Variants in ARHGEF12 observed in about 807,000 individuals in gnomAD.
ARHGEF12 encodes KMT2A/ARHGEF12 fusion protein.
A neutral mutation model predicts 211.2 loss-of-function variants in ARHGEF12; 66 were observed. The observed-to-expected ratio is 0.31, with a 90% CI of 0.26 to 0.38. The LOEUF (loss-of-function observed/expected upper bound fraction) is 0.38. Among genes scored for constraint, ARHGEF12 ranks in the 10% least tolerant of loss-of-function variants. ARHGEF12 has a pLI of 1.00. For missense variants in ARHGEF12, 1,429 were observed against 1,869.5 expected, an observed-to-expected ratio of 0.76 and a Z score of 4.34; for synonymous variants, 592 against 638.4, an observed-to-expected ratio of 0.93 and a Z score of 1.09.
Position 120,487,365 on chromosome 11 carries a change from C to G in ARHGEF12, c.*2288C>G, listed in dbSNP as rs1163271798. The G allele has an allele frequency of 9.1e-6, 2 of 219,146 alleles. No homozygotes were observed. The highest frequency in any genetic ancestry group is 1.8e-5 in the Non-Finnish European group (2 of 109,374). 13.6% of individuals were successfully genotyped at this position (219,146 alleles called of 1,614,324 possible). A position where few individuals can be genotyped will look rare whatever the true frequency, so the allele number is the denominator to read the frequency against. ...CCAAATAAATTCATATCTAGATTTT[C>G]AAACAAAGCCCCAAGATGAAGTCTA... is the stretch of plus-strand genomic sequence containing the variant. On this transcript the variant is annotated 3_prime_UTR_variant, in exon 41 of 41. Coordinates refer to ENST00000397843, the MANE Select transcript of ARHGEF12 (RefSeq NM_015313.3).
At chr11:120,376,993 T>TA (rs1473457745) in intron 1 of ARHGEF12, among the ~76,000 whole-genome samples, 1 of 152,218 alleles carries the variant, frequency 6.6e-6, no homozygotes, top group African/African-American at 2.4e-5. Context: ...TATAGCTGAA[T>TA]AATACTCCAT....
chr11:120,418,331 A>G (rs1205677105), intron 4 of ARHGEF12, among the ~76,000 whole-genome samples: 1 of 152,084 alleles, frequency 6.6e-6, no homozygotes, highest in Non-Finnish European at 1.5e-5. Context: ...ACTTTCTTAC[A>G]TACTGGTTTC....
chr11:120,467,182 CTTTAAT>C lies in ARHGEF12; in HGVS notation c.2740-7_2740-2del, dbSNP rs1383955170. The C allele has an allele frequency of 6.5e-7, 1 of 1,549,216 alleles. No individual in the cohort carries two copies. Among genetic ancestry groups the C allele is most frequent in the South Asian group, 1.1e-5 (1 of 88,714 alleles). On this transcript the variant is annotated splice_region_variant and splice_polypyrimidine_tract_variant and intron_variant, in intron 28 of 40. Transcript: ENST00000397843. ...AAGAATTACAGATTCACTTATTTCA[CTTTAAT>C]TTTAGGATGCTGAAAGTAATCCACT...
At chr11:120,477,653 C>G in intron 36 of ARHGEF12, 127 bp downstream of exon 36, 2 of 815,884 alleles carry the variant, frequency 2.5e-6, no homozygotes, top group Non-Finnish European at 3.8e-6. Flanking sequence ...TCACCTGAGG[C>G]CAGGAGTTAG....
At chr11:120,418,734 G>A (rs908076558) in intron 4 of ARHGEF12, among the ~76,000 whole-genome samples, 1 of 152,154 alleles carries the variant, frequency 6.6e-6, no homozygotes, top group Non-Finnish European at 1.5e-5. Context: ...GTGTATAGTG[G>A]TATCTCATTG....
intron 1 of ARHGEF12, among the ~76,000 whole-genome samples, chr11:120,351,553 C>T (rs1942973414): frequency 6.9e-6 from 1 of 145,624 alleles, no homozygotes; most frequent in South Asian, 2.3e-4. Flanking sequence ...TCACTTGAAC[C>T]TCCACCTCCC....
intron 12 of ARHGEF12, among the ~76,000 whole-genome samples, chr11:120,438,293 C>CTT (rs35273516): frequency 6.6e-6 from 1 of 151,672 alleles, no homozygotes; most frequent in Non-Finnish European, 1.5e-5. Flanking sequence ...CACCTAATTT[C>CTT]TTTTTTTTAA....
rs2135729903 is a variant in ARHGEF12 at position 120,431,759 on chromosome 11, C to A, written c.784-12C>A. 1 of 1,558,548 alleles carries A rather than the reference C, an allele frequency of 6.4e-7. No individual in the cohort carries two copies. Among genetic ancestry groups the A allele is most frequent in the Non-Finnish European group, 8.7e-7 (1 of 1,153,884 alleles). ...TGTTTGTGTGCGCGTGTTTTTCTTT[C>A]ATCTGTTTTAGGATGGAGCTGTAGT... On this transcript the variant is annotated splice_polypyrimidine_tract_variant and intron_variant, in intron 10 of 40. Transcript: ENST00000397843.
At chr11:120,339,015 T>C (rs979627253) in intron 1 of ARHGEF12, among the ~76,000 whole-genome samples, 14 of 149,910 alleles carry the variant, frequency 9.3e-5, no homozygotes, top group Admixed American at 2.6e-4. Flanking sequence ...CTTTTTTTTT[T>C]TTTTTTTTGG....
At chr11:120,409,326 T>G in intron 3 of ARHGEF12, 68 bp from the exon 4 acceptor site, 1 of 1,505,588 alleles carries the variant, frequency 6.6e-7, no homozygotes, top group Non-Finnish European at 9.2e-7. Flanking sequence ...TTTTTCCCCA[T>G]GAATTTTTCC....
chr11:120,336,607 G>A lies in ARHGEF12; in HGVS notation c.-637G>A, dbSNP rs1026611482. Among the ~76,000 whole-genome samples, 1 of 152,126 alleles carries A rather than the reference G, an allele frequency of 6.6e-6. No homozygotes were observed. The highest frequency in any genetic ancestry group is 1.5e-5 in the Non-Finnish European group (1 of 68,002). On this transcript the variant is annotated 5_prime_UTR_variant, in exon 1 of 41. Transcript: ENST00000397843. ...GCAGTCCGCGGCGCTGAGAGACCCG[G>A]GTCCCTGTCACCTCGGGCCGCGGGA...
intron 1 of ARHGEF12, among the ~76,000 whole-genome samples, chr11:120,356,538 G>A (rs889791620): frequency 6.6e-6 from 1 of 152,100 alleles, no homozygotes; most frequent in Non-Finnish European, 1.5e-5. Flanking sequence ...CTTTTTGCAT[G>A]TACACTTTGT....
In ARHGEF12 at chr11:120,488,714, C is replaced by T; in HGVS notation, c.*3637C>T. 4.6e-6 allele frequency: 1 copy of T among 218,554 alleles called. No homozygotes were observed. The highest frequency in any genetic ancestry group is 9.2e-6 in the Non-Finnish European group (1 of 108,544). The allele number at this position is 218,554 out of a possible 1,614,324, so 13.5% of individuals were successfully genotyped here. ...GTTATTTTTAATAAGCCTCTTCCTA[C>T]TAGAACATTTTATTTTCCTTGTTCA... On this transcript the variant is annotated 3_prime_UTR_variant, in exon 41 of 41. Transcript: ENST00000397843.
intron 33 of ARHGEF12, among the ~76,000 whole-genome samples, 167 bp downstream of exon 33, chr11:120,475,674 C>T (rs1227609865): frequency 1.3e-5 from 2 of 151,500 alleles, no homozygotes; most frequent in African/African-American, 4.8e-5. Context: ...GAGTTTATAC[C>T]CCAAAGTTAT....
chr11:120,351,433 ATATATATATATATATATATATAT>A (rs1210476542), intron 1 of ARHGEF12, among the ~76,000 whole-genome samples: 5 of 3,718 alleles, frequency 1.3e-3, no homozygotes, highest in African/African-American at 4.1e-3. Flanking sequence ...ATATATATAT[ATATATATATATATATATATATAT>A]TTTTTTTTTT....
At chr11:120,473,188 G>A (rs1284258779) in intron 31 of ARHGEF12, 61 bp downstream of exon 31, 2 of 1,432,766 alleles carry the variant, frequency 1.4e-6, no homozygotes, top group Non-Finnish European at 1.9e-6. Context: ...GACCTGGCAG[G>A]TAATTAACAT....
chr11:120,478,610 G>A (rs546032944), intron 37 of ARHGEF12, among the ~76,000 whole-genome samples: 20 of 152,308 alleles, frequency 1.3e-4, no homozygotes, highest in Admixed American at 6.5e-4. Flanking sequence ...AAAATGGGAG[G>A]ATAGCATATC....
intron 1 of ARHGEF12, among the ~76,000 whole-genome samples, chr11:120,376,861 T>A (rs1217776242): frequency 6.6e-6 from 1 of 152,182 alleles, no homozygotes; most frequent in Non-Finnish European, 1.5e-5. Flanking sequence ...TTTTAATTTT[T>A]AGCTCCCACA....
chr11:120,465,292 A>G lies in ARHGEF12; in HGVS notation c.2669A>G (p.Asn890Ser), dbSNP rs1263115065. 6.2e-7 allele frequency: 1 copy of G among 1,614,058 alleles called. No individual in the cohort carries two copies. The highest frequency in any genetic ancestry group is 8.5e-7 in the Non-Finnish European group (1 of 1,180,030). The stretch of plus-strand genomic sequence containing the variant: ...CATGCTGCTGCTACCTTTTGCAGTA[A>G]CCAACCTTTCGCCCTGGAAATGATC... ...LKHAAATFCS[N>S]QPFALEMIKS... Residue 890 changes from asparagine (N) to serine (S), a missense_variant, in exon 28 of 41, where the codon AAC becomes AGC. By Grantham distance (46) the Asn-to-Ser change is conservative. Around this residue, in one of 7 missense-constraint regions of ARHGEF12, gnomAD observed 223 missense variants for 444.6 expected, o/e 0.50. Transcript: ENST00000397843.
Sources: gnomAD v4.1 joint callset for allele counts (sites outside exome capture counted in the v4.1 genomes callset) on GRCh38, gnomAD v4.1.1 for gene constraint, gnomAD v4.1.1 regional missense constraint, MANE v1.5 for transcripts, NCBI Gene and HGNC (gene_info 2026-07-23, HGNC 2026-07-21) for gene names.